ZSCAN25: variants seen among roughly 807,000 people sequenced by gnomAD.
ZSCAN25 encodes the protein zinc finger and SCAN domain containing 25, also known as zinc finger and SCAN domain-containing protein 25.
A neutral mutation model predicts 38.7 loss-of-function variants in ZSCAN25; 27 were observed. The observed-to-expected ratio is 0.70, with a 90% CI of 0.51 to 0.96. The LOEUF is 0.96. ZSCAN25 is among the 40% of genes least tolerant of loss of function. ZSCAN25 has a pLI of 0.00. For synonymous variants in ZSCAN25, 273 were observed against 277.7 expected (o/e 0.98, Z 0.17); for missense variants, 637 against 705.9 (o/e 0.90, Z 1.11).
the ZSCAN25 span, chr7:99,658,808 T>C: frequency 1.3e-5 from 2 of 152,164 alleles, no homozygotes; most frequent in African/African-American, 4.8e-5. Flanking sequence ...TCTAAACTTC[T>C]CTTCTTTCTT....
At chr7:99,645,899 T>C in the ZSCAN25 span, among the ~76,000 whole-genome samples, 1 of 152,192 alleles carries the variant, frequency 6.6e-6, no homozygotes, top group Non-Finnish European at 1.5e-5. Flanking sequence ...TCTTGGCACC[T>C]TTGTCAAAAA....
chr7:99,668,570 A>T, the ZSCAN25 span, among the ~76,000 whole-genome samples: 10 of 152,252 alleles, frequency 6.6e-5, no homozygotes, highest in Admixed American at 6.5e-4. Flanking sequence ...GGGTAATCAG[A>T]GTATGTCACA....
At chr7:99,683,410 C>A in the ZSCAN25 span, among the ~76,000 whole-genome samples, 1 of 152,172 alleles carries the variant, frequency 6.6e-6, no homozygotes, top group Non-Finnish European at 1.5e-5. Context: ...ATCTTTTTAT[C>A]ACCTATCTAA....
chr7:99,680,343 A>G, the ZSCAN25 span, among the ~76,000 whole-genome samples: 11 of 152,184 alleles, frequency 7.2e-5, no homozygotes, highest in Non-Finnish European at 1.3e-4. Context: ...TGTGCCCTCT[A>G]GATGACTCCT....
chr7:99,634,428 C>T (rs541344748), downstream of ZSCAN25, among the ~76,000 whole-genome samples: 53 of 150,214 alleles, frequency 3.5e-4, no homozygotes, highest in African/African-American at 6.6e-4. Flanking sequence ...CCGAGGCGGG[C>T]GGATCACCTG....
At chr7:99,659,584 C>A in the ZSCAN25 span, 1 of 152,846 alleles carries the variant, frequency 6.5e-6, no homozygotes, top group Non-Finnish European at 1.5e-5. Flanking sequence ...CTGGGAGAAC[C>A]ACTACTCTCT....
chr7:99,637,349 G>T (rs544457826), downstream of ZSCAN25, among the ~76,000 whole-genome samples: 1 of 152,178 alleles, frequency 6.6e-6, no homozygotes, highest in South Asian at 2.1e-4. Flanking sequence ...TAATCTATGT[G>T]TGGTGTACCC....
At chr7:99,717,596 G>C in the ZSCAN25 span, 1 of 1,613,676 alleles carries the variant, frequency 6.2e-7, no homozygotes, top group Non-Finnish European at 8.5e-7. Flanking sequence ...TTCATCCTCA[G>C]CTATAGAGAT....
chr7:99,703,507 A>G, the ZSCAN25 span, among the ~76,000 whole-genome samples: 2 of 152,170 alleles, frequency 1.3e-5, no homozygotes, highest in South Asian at 4.1e-4. Flanking sequence ...TATACATTTC[A>G]TCTATCTATA....
At chr7:99,651,378 A>G in the ZSCAN25 span, among the ~76,000 whole-genome samples, 1 of 152,210 alleles carries the variant, frequency 6.6e-6, no homozygotes, top group South Asian at 2.1e-4. Context: ...TTCCTGACAC[A>G]TGGCAAGCAC....
At chr7:99,618,718 T>C (rs768307665) in intron 2 of ZSCAN25, 67 bp downstream of exon 2, 7 of 152,214 alleles carry the variant, frequency 4.6e-5, no homozygotes, top group Non-Finnish European at 7.3e-5. Flanking sequence ...GAATGACTTT[T>C]ATAAAACATG....
the ZSCAN25 span, among the ~76,000 whole-genome samples, chr7:99,656,229 G>T: frequency 1.1e-3 from 168 of 152,162 alleles, 5 homozygotes; most frequent in East Asian, 0.03. Flanking sequence ...TCATAAATTT[G>T]CTCTTATTAT....
At chr7:99,690,146 C>T in the ZSCAN25 span, among the ~76,000 whole-genome samples, 1 of 152,300 alleles carries the variant, frequency 6.6e-6, no homozygotes, top group African/African-American at 2.4e-5. Flanking sequence ...AAGAATGCCA[C>T]ATATCTACAA....
the ZSCAN25 span, chr7:99,709,070 C>CT: frequency 1.9e-6 from 3 of 1,613,978 alleles, no homozygotes; most frequent in Admixed American, 5.0e-5. Flanking sequence ...CTGTCCAGTA[C>CT]TTTGGGTCAT....
the ZSCAN25 span, among the ~76,000 whole-genome samples, chr7:99,708,602 A>G: frequency 6.6e-6 from 1 of 152,136 alleles, no homozygotes; most frequent in South Asian, 2.1e-4. Flanking sequence ...AAGCAGTGTC[A>G]TCACTGCTTT....
intron 1 of ZSCAN25, among the ~76,000 whole-genome samples, chr7:99,617,442 G>A (rs904091747): frequency 1.3e-5 from 2 of 152,208 alleles, no homozygotes; most frequent in Non-Finnish European, 2.9e-5. Flanking sequence ...GTAGCCGGGC[G>A]TGGTGGCACG....
Position 99,630,477 on chromosome 7 carries a change from C to A in ZSCAN25, c.*457C>A. 1 of 996,000 alleles carries A rather than the reference C, an allele frequency of 1.0e-6. No individual in the cohort carries two copies. The highest frequency in any genetic ancestry group is 1.2e-6 in the Non-Finnish European group (1 of 836,700). The allele number at this position is 996,000 out of a possible 1,614,324, so 61.7% of individuals were successfully genotyped here. The stretch of plus-strand genomic sequence containing the variant: ...ATTGAACATCCTCTGAGCACCTGGC[C>A]GTGGGAATGCCGTGGTGAATGAGAG... On this transcript the variant is annotated 3_prime_UTR_variant, in exon 8 of 8. Coordinates refer to ENST00000394152, the MANE Select transcript of ZSCAN25 (RefSeq NM_145115.3).
chr7:99,667,187 C>A, the ZSCAN25 span: 15 of 778,232 alleles, frequency 1.9e-5, no homozygotes. Context: ...GATATTATGG[C>A]AAGCCATATT....
At chr7:99,636,046 CAAAAAA>C (rs780898445), downstream of ZSCAN25, among the ~76,000 whole-genome samples, 1,214 of 43,378 alleles carry the variant, frequency 0.028, 20 homozygotes, top group African/African-American at 0.078. Context: ...GACTCCATCT[CAAAAAA>C]AAAAAAAAAA....
Sources: gnomAD v4.1 joint callset for allele counts (sites outside exome capture counted in the v4.1 genomes callset) on GRCh38, gnomAD v4.1.1 for gene constraint, MANE v1.5 for transcripts, NCBI Gene and HGNC (gene_info 2026-07-23, HGNC 2026-07-21) for gene names.